The following TNPO3 variants were observed in gnomAD, a reference collection of about 807,000 sequenced individuals.
TNPO3 encodes transportin 3.
A neutral mutation model predicts 122.8 loss-of-function variants in TNPO3; 65 were observed. That is an observed-to-expected ratio of 0.53 (90% CI 0.43 to 0.65). The LOEUF is 0.65. Ranked by LOEUF, TNPO3 falls within the 30% of genes least tolerant of loss-of-function variation. The pLI is 0.00. For missense variants in TNPO3, 850 were observed against 1,136.7 expected (o/e 0.75, Z 3.63); for synonymous variants, 372 against 411.2 (o/e 0.90, Z 1.15).
chr7:128,987,087 G>C (rs1370205724), intron 11 of TNPO3, among the ~76,000 whole-genome samples, 167 bp from the exon 12 acceptor site: 1 of 152,128 alleles, frequency 6.6e-6, no homozygotes, highest in African/African-American at 2.4e-5. Flanking sequence ...AAATAGAGCT[G>C]ATCTCACTTA....
At chr7:129,003,039 C>CAAAAAAAAAAAAAA (rs56226072) in intron 5 of TNPO3, among the ~76,000 whole-genome samples, 39 of 53,264 alleles carry the variant, frequency 7.3e-4, no homozygotes, top group East Asian at 9.4e-4. Flanking sequence ...GACTCCCTCT[C>CAAAAAAAAAAAAAA]AAAAAAAAAA....
Position 129,054,922 on chromosome 7 carries a change from C to T in TNPO3, c.-152G>A, listed in dbSNP as rs2242028. 0.75 allele frequency: 742,515 copies of T among 986,700 alleles called. 282,716 individuals are homozygous for T. The highest frequency in any genetic ancestry group is 0.81 in the Middle Eastern group (3,131 of 3,876). 61.1% of individuals were successfully genotyped at this position (986,700 alleles called of 1,614,324 possible). Reference sequence around the variant, plus strand: ...CTTTGGCCGTTACCAGGGCAGAAGGCTCTCCGTGGAAGTTGCCCCCTCGGA... The same window carrying T: ...CTTTGGCCGTTACCAGGGCAGAAGGTTCTCCGTGGAAGTTGCCCCCTCGGA... On this transcript the variant is annotated 5_prime_UTR_variant, in exon 1 of 23. Coordinates refer to ENST00000265388, the MANE Select transcript of TNPO3 (RefSeq NM_012470.4).
chr7:128,997,744 CTGGCTT>C (rs1801484665), intron 7 of TNPO3, among the ~76,000 whole-genome samples: 1 of 152,208 alleles, frequency 6.6e-6, no homozygotes, highest in African/African-American at 2.4e-5. Context: ...TTTAGAATGA[CTGGCTT>C]TACATTCCAT....
intron 12 of TNPO3, 107 bp downstream of exon 12, chr7:128,986,622 T>C: frequency 9.4e-7 from 1 of 1,063,926 alleles, no homozygotes; most frequent in Non-Finnish European, 1.4e-6. Context: ...TTATAAATTC[T>C]TAAACACTAA....
intron 10 of TNPO3, among the ~76,000 whole-genome samples, chr7:128,991,315 T>A (rs978364032): frequency 1.2e-4 from 18 of 152,334 alleles, no homozygotes; most frequent in African/African-American, 4.3e-4. Context: ...TATAAATATC[T>A]GCCTTAACCA....
chr7:128,991,990 GAC>G lies in TNPO3; in HGVS notation c.1358+7_1358+8del. ...AGAGTTCCCAGCAAAAGACTTATGA[GAC>G]ACTCACGGATCAACACTCTTTGCTA... On this transcript the variant is annotated splice_region_variant and intron_variant, in intron 10 of 22. Coordinates refer to ENST00000265388, the MANE Select transcript of TNPO3 (RefSeq NM_012470.4). The G allele has an allele frequency of 6.4e-7, 1 of 1,573,064 alleles. No individual in the cohort carries two copies.
At chr7:128,982,191 C>T (rs1799690325) in intron 14 of TNPO3, 57 bp downstream of exon 14, 4 of 1,459,470 alleles carry the variant, frequency 2.7e-6, no homozygotes, top group Non-Finnish European at 3.8e-6. Context: ...CTTCAATATA[C>T]AATGGTTTCA....
rs751511310 is a variant in TNPO3 at position 128,972,492 on chromosome 7, G to A, written c.2364C>T (p.His788=). The part of the protein sequence containing the change: ...QWAIASTTLD[H]RDANCSVMRF... ...TCATGACACTACAATTGGCATCCCG[G>A]TGGTCCAGGGTAGTAGAGGCAATGG... is the stretch of plus-strand genomic sequence containing the variant. The change falls in exon 19 of 23, where the codon CAC becomes CAT. Residue 788 remains histidine, a synonymous_variant. Transcript: ENST00000265388. The A allele has an allele frequency of 4.1e-5, 66 of 1,614,052 alleles. No homozygotes were observed. The highest frequency in any genetic ancestry group is 5.0e-5 in the Non-Finnish European group (59 of 1,180,022).
intron 20 of TNPO3, 109 bp from the exon 21 acceptor site, chr7:128,967,501 C>T (rs1798037543): frequency 1.5e-6 from 1 of 673,374 alleles, no homozygotes. Flanking sequence ...GCATTTACTT[C>T]CCTACACTTG....
At chr7:129,010,763 T>G (rs1803098176) in intron 4 of TNPO3, among the ~76,000 whole-genome samples, 2 of 152,142 alleles carry the variant, frequency 1.3e-5, no homozygotes, top group Admixed American at 1.3e-4. Flanking sequence ...TTTAAAAAAC[T>G]AATCCTCTAA....
At chr7:129,045,497 G>GAA (rs766170949) in intron 1 of TNPO3, among the ~76,000 whole-genome samples, 9 of 84,796 alleles carry the variant, frequency 1.1e-4, no homozygotes, top group Admixed American at 6.0e-4. Context: ...CCCTGTCTCA[G>GAA]AAAAAAAAAA....
intron 2 of TNPO3, 142 bp from the exon 3 acceptor site, chr7:129,017,198 C>A: frequency 1.4e-6 from 1 of 735,818 alleles, no homozygotes; most frequent in Non-Finnish European, 2.2e-6. Context: ...TCCCAACCTC[C>A]AATTCTATAC....
At chr7:129,055,849 T>C (rs1809411230), upstream of TNPO3, 10 of 572,392 alleles carry the variant, frequency 1.7e-5, no homozygotes, top group East Asian at 2.9e-4. Flanking sequence ...GATATTAACA[T>C]TGCTGCTAGT....
intron 1 of TNPO3, among the ~76,000 whole-genome samples, chr7:129,033,423 A>C (rs1004483870): frequency 1.3e-5 from 2 of 152,178 alleles, no homozygotes; most frequent in Non-Finnish European, 2.9e-5. Flanking sequence ...CTATCCAAAA[A>C]AACGAAGCAA....
At chr7:129,018,997 G>A (rs550334543) in intron 1 of TNPO3, among the ~76,000 whole-genome samples, 1 of 152,166 alleles carries the variant, frequency 6.6e-6, no homozygotes, top group South Asian at 2.1e-4. Flanking sequence ...GGGATTACAG[G>A]CATGAGCCAC....
At chr7:128,955,455 G>A (rs1404778623) in intron 22 of TNPO3, 70 bp from the exon 23 acceptor site, 1 of 395,106 alleles carries the variant, frequency 2.5e-6, no homozygotes, top group Non-Finnish European at 5.0e-6. Flanking sequence ...CAACCTTAAG[G>A]CAGAGGTTTC....
intron 1 of TNPO3, among the ~76,000 whole-genome samples, chr7:129,046,780 G>A (rs192043957): frequency 7.9e-4 from 120 of 152,292 alleles, no homozygotes; most frequent in Admixed American, 2.9e-3. Flanking sequence ...AGAGCAAAGC[G>A]ACGTCTTACA....
chr7:128,957,417 G>A, intron 21 of TNPO3, 102 bp from the exon 22 acceptor site: 1 of 1,185,586 alleles, frequency 8.4e-7, no homozygotes, highest in Middle Eastern at 1.9e-4. Context: ...TCCCAACTCT[G>A]CTAGGAGCTC....
At chr7:129,023,119 T>G (rs13236009) in intron 1 of TNPO3, among the ~76,000 whole-genome samples, 13,694 of 152,072 alleles carry the variant, frequency 0.09, 849 homozygotes, top group South Asian at 0.15. Flanking sequence ...TAGGTTAATG[T>G]GAGACAGAGC....
Sources: allele counts gnomAD v4.1 joint callset (sites outside exome capture counted in the v4.1 genomes callset), GRCh38; gene constraint gnomAD v4.1.1; transcripts MANE v1.5; gene names NCBI Gene and HGNC (gene_info 2026-07-23, HGNC 2026-07-21).